The following RAD54L2 variants were observed in gnomAD, a reference collection of about 807,000 sequenced individuals.
RAD54L2 encodes RAD54 like 2.
Under a neutral mutation model 138.4 loss-of-function variants are expected in RAD54L2, and 27 were observed. The ratio of observed to expected loss-of-function variants is 0.20; its 90% CI spans 0.14 to 0.27. RAD54L2 has a LOEUF of 0.27. Among genes scored for constraint, RAD54L2 ranks in the 10% least tolerant of loss-of-function variants. The probability of loss-of-function intolerance (pLI) is 1.00; values close to 1 mark genes in which losing one functional copy is unlikely to be tolerated. For synonymous variants in RAD54L2, 644 were observed against 723.2 expected, an observed-to-expected ratio of 0.89 and a Z score of 1.76; for missense variants, 1,396 against 1,890.2, an observed-to-expected ratio of 0.74 and a Z score of 4.85.
At chr3:51,644,227 A>T (rs1350995162) in intron 16 of RAD54L2, among the ~76,000 whole-genome samples, 1 of 152,188 alleles carries the variant, frequency 6.6e-6, no homozygotes, top group Non-Finnish European at 1.5e-5. Context: ...TGGGAGGCCA[A>T]GGTGGGAGGA....
intron 22 of RAD54L2, among the ~76,000 whole-genome samples, chr3:51,661,661 C>T (rs1043805035): frequency 6.6e-6 from 1 of 152,184 alleles, no homozygotes; most frequent in Non-Finnish European, 1.5e-5. Flanking sequence ...TTGTTCCCTG[C>T]TTTGTATTAT....
intron 9 of RAD54L2, among the ~76,000 whole-genome samples, chr3:51,634,649 C>T (rs1225094999): frequency 1.3e-5 from 2 of 152,080 alleles, no homozygotes; most frequent in Admixed American, 6.6e-5. Context: ...GGATTACAGG[C>T]GTAAGCCACC....
chr3:51,550,971 C>T (rs1227783137), intron 2 of RAD54L2, among the ~76,000 whole-genome samples: 1 of 152,060 alleles, frequency 6.6e-6, no homozygotes, highest in Non-Finnish European at 1.5e-5. Flanking sequence ...CCCCTGAACC[C>T]AGGAGGTGGA....
In RAD54L2 at chr3:51,635,618, A is replaced by C. The variant is rs140289040; in HGVS notation, c.1168A>C (p.Met390Leu). ...HKTMASRAKVMADWVSEGGVL... is the reference protein window; with the variant it reads ...HKTMASRAKVLADWVSEGGVL... ...GACGATGGCATCTCGTGCTAAAGTG[A>C]TGGCTGATTGGGTGTCAGAGGGTGG... Residue 390 changes from methionine (M) to leucine (L), a missense_variant, in exon 10 of 23, where the codon ATG becomes CTG. By Grantham distance (15) the Met-to-Leu change is conservative. Coordinates refer to ENST00000684192, the MANE Select transcript of RAD54L2 (RefSeq NM_015106.4). The C allele has an allele frequency of 1.2e-6, 2 of 1,612,340 alleles. No homozygotes were observed. Among genetic ancestry groups the C allele is most frequent in the African/African-American group, 2.7e-5 (2 of 74,830 alleles).
At chr3:51,601,922 T>G (rs1403461891) in intron 3 of RAD54L2, among the ~76,000 whole-genome samples, 1 of 152,006 alleles carries the variant, frequency 6.6e-6, no homozygotes, top group East Asian at 1.9e-4. Flanking sequence ...AGTGGTGCGA[T>G]CTCGGCTTAC....
At chr3:51,584,567 GCA>G (rs1482028918) in intron 2 of RAD54L2, among the ~76,000 whole-genome samples, 1 of 150,810 alleles carries the variant, frequency 6.6e-6, no homozygotes. Flanking sequence ...GGATCTCTCA[GCA>G]GACTGGAAGA....
rs1559661266 is a variant in RAD54L2, at chr3:51,663,307, C to G, written c.4291C>G (p.Leu1431Val). The change falls in exon 23 of 23, where the codon CTC becomes GTC. Residue 1431 changes from leucine (L) to valine (V), a missense_variant. This residue lies in a region of RAD54L2 where 634 missense variants were observed against 711.2 expected (regional missense o/e 0.89). Coordinates refer to ENST00000684192, the MANE Select transcript of RAD54L2 (RefSeq NM_015106.4). ...ACATGCAGGCTACCCAGCTGGTGGC[C>G]TCCTACGGTCCCAGGTGCCTCCATT... ...SPHAGYPAGG[L>V]LRSQVPPFDS... 1 of 1,613,868 alleles carries G rather than the reference C, an allele frequency of 6.2e-7. No homozygotes were observed. The highest frequency in any genetic ancestry group is 8.5e-7 in the Non-Finnish European group (1 of 1,179,900).
chr3:51,578,861 C>T (rs1699542910), intron 2 of RAD54L2, among the ~76,000 whole-genome samples: 1 of 152,188 alleles, frequency 6.6e-6, no homozygotes, highest in South Asian at 2.1e-4. Context: ...CTCTTGCACC[C>T]ACCCTCATGG....
intron 3 of RAD54L2, among the ~76,000 whole-genome samples, chr3:51,616,563 C>A (rs1359053638): frequency 6.6e-6 from 1 of 152,138 alleles, no homozygotes; most frequent in Non-Finnish European, 1.5e-5. Flanking sequence ...CGTGGTGGCT[C>A]ATGCCTGTAA....
intron 13 of RAD54L2, 42 bp downstream of exon 13, chr3:51,639,712 A>G: frequency 6.2e-7 from 1 of 1,606,788 alleles, no homozygotes; most frequent in South Asian, 1.1e-5. Context: ...ACTATTGCTG[A>G]GAAGGGATGG....
Position 51,665,724 on chromosome 3 carries a change from T to C in RAD54L2, c.*2304T>C, listed in dbSNP as rs1701897133. ...TGAGCTAGACTGAATCTCCAATTTA[T>C]GGGACACACTCAGAACCTGGGTTAC... On this transcript the variant is annotated 3_prime_UTR_variant, in exon 23 of 23. Coordinates refer to ENST00000684192, the MANE Select transcript of RAD54L2 (RefSeq NM_015106.4). 1 of 152,148 alleles carries C rather than the reference T, an allele frequency of 6.6e-6. No individual in the cohort carries two copies. The highest frequency in any genetic ancestry group is 1.5e-5 in the Non-Finnish European group (1 of 68,024). 9.4% of individuals were successfully genotyped at this position (152,148 alleles called of 1,614,324 possible).
intron 7 of RAD54L2, among the ~76,000 whole-genome samples, chr3:51,631,967 G>A (rs570876844): frequency 6.6e-6 from 1 of 152,064 alleles, no homozygotes; most frequent in South Asian, 2.1e-4. Context: ...ATTAACCAAC[G>A]TCTCTTCCTC....
intron 2 of RAD54L2, among the ~76,000 whole-genome samples, chr3:51,564,353 C>T (rs1302439075): frequency 1.3e-5 from 2 of 152,158 alleles, no homozygotes; most frequent in Non-Finnish European, 2.9e-5. Flanking sequence ...CAATATGTCT[C>T]TGCCTTATGC....
intron 2 of RAD54L2, among the ~76,000 whole-genome samples, chr3:51,577,734 T>C (rs1466392426): frequency 2.0e-5 from 3 of 152,196 alleles, no homozygotes; most frequent in African/African-American, 7.2e-5. Flanking sequence ...TGAGCCTATG[T>C]GTGTCTCTGC....
intron 16 of RAD54L2, 29 bp from the exon 17 acceptor site, chr3:51,644,995 C>T: frequency 6.2e-7 from 1 of 1,610,768 alleles, no homozygotes; most frequent in Non-Finnish European, 8.5e-7. Flanking sequence ...AGACTAAAGG[C>T]TCTGTGATTG....
At chr3:51,627,508 C>T in intron 3 of RAD54L2, 45 bp from the exon 4 acceptor site, 1 of 1,522,868 alleles carries the variant, frequency 6.6e-7, no homozygotes, top group Non-Finnish European at 8.9e-7. Context: ...CAGACTCATT[C>T]CCCCTCACCC....
intron 2 of RAD54L2, among the ~76,000 whole-genome samples, chr3:51,580,922 T>A (rs1699592212): frequency 6.6e-6 from 1 of 152,218 alleles, no homozygotes; most frequent in African/African-American, 2.4e-5. Context: ...TTCTGTAGAA[T>A]ATTTTGAAAA....
rs1241765350 is a variant in RAD54L2, at chr3:51,662,861, A to T, written c.3845A>T (p.Gln1282Leu). ...AAGGGTCATCTGCCAGCCCCCGTGCAGCCGTATGAACACGGGTATCCAGTC... is the reference window on the plus strand; with the variant it reads ...AAGGGTCATCTGCCAGCCCCCGTGCTGCCGTATGAACACGGGTATCCAGTC... ...SRKGHLPAPV[Q>L]PYEHGYPVSG... The change falls in exon 23 of 23, where the codon CAG (glutamine) becomes CTG (leucine). Residue 1282 changes from glutamine to leucine, a missense_variant. Transcript: ENST00000684192. The surrounding 1 kb of genome is among the most constrained non-coding windows in gnomAD (Gnocchi z 4.6). 6.2e-7 allele frequency: 1 copy of T among 1,613,634 alleles called. No homozygotes were observed. Among genetic ancestry groups the T allele is most frequent in the Non-Finnish European group, 8.5e-7 (1 of 1,179,808 alleles).
intron 2 of RAD54L2, among the ~76,000 whole-genome samples, 151 bp from the exon 3 acceptor site, chr3:51,590,216 C>G (rs565580188): frequency 8.5e-5 from 13 of 152,292 alleles, no homozygotes; most frequent in African/African-American, 3.1e-4. Flanking sequence ...GTCTCGAACT[C>G]CTGACCTCAA....
Sources: allele counts gnomAD v4.1 joint callset (sites outside exome capture counted in the v4.1 genomes callset), GRCh38; gene constraint gnomAD v4.1.1; regional missense constraint gnomAD v4.1.1; non-coding constraint Gnocchi (gnomAD v3.1); transcripts MANE v1.5; gene names NCBI Gene and HGNC (gene_info 2026-07-23, HGNC 2026-07-21).